Variants in IPCEF1 observed in about 807,000 individuals in gnomAD.
IPCEF1 encodes the protein interaction protein for cytohesin exchange factors 1, also known as interactor protein for cytohesin exchange factors 1.
A neutral mutation model predicts 50.9 loss-of-function variants in IPCEF1; 31 were observed. That is an observed-to-expected ratio of 0.61 (90% CI 0.46 to 0.82). IPCEF1 has a LOEUF of 0.82. IPCEF1 is among the 40% of genes least tolerant of loss of function. IPCEF1 has a pLI of 0.00. For missense variants in IPCEF1, 458 were observed against 514.0 expected, an observed-to-expected ratio of 0.89 and a Z score of 1.05; for synonymous variants, 181 against 192.0, an observed-to-expected ratio of 0.94 and a Z score of 0.47.
intron 1 of IPCEF1, among the ~76,000 whole-genome samples, chr6:154,328,440 A>G (rs1423373715): frequency 6.6e-6 from 1 of 152,054 alleles, no homozygotes; most frequent in Non-Finnish European, 1.5e-5. Context: ...TAGCAGCCCT[A>G]AGAAGTTCTT....
chr6:154,229,346 GTTTT>G (rs34462600), intron 5 of IPCEF1, among the ~76,000 whole-genome samples: 25 of 112,636 alleles, frequency 2.2e-4, no homozygotes, highest in African/African-American at 8.6e-4. Context: ...AAGTTTGCCG[GTTTT>G]TTTTTTTTTT....
intron 7 of IPCEF1, among the ~76,000 whole-genome samples, chr6:154,220,706 T>C (rs1046234658): frequency 1.3e-5 from 2 of 152,204 alleles, no homozygotes; most frequent in Non-Finnish European, 2.9e-5. Context: ...TTAGGAATGG[T>C]GTAGGGCAGG....
chr6:154,344,389 A>T (rs1022070788), intron 1 of IPCEF1, among the ~76,000 whole-genome samples: 4 of 152,194 alleles, frequency 2.6e-5, no homozygotes, highest in African/African-American at 9.7e-5. Context: ...GTAAATCATT[A>T]TCACCAAAGA....
chr6:154,248,342 G>GT (rs1781230025), intron 3 of IPCEF1, among the ~76,000 whole-genome samples: 1 of 121,978 alleles, frequency 8.2e-6, no homozygotes, highest in African/African-American at 3.0e-5. Context: ...TGTGTGTAGA[G>GT]AGAGAGAAAA....
chr6:154,240,051 G>A (rs547268853), intron 5 of IPCEF1, among the ~76,000 whole-genome samples: 1 of 152,258 alleles, frequency 6.6e-6, no homozygotes, highest in African/African-American at 2.4e-5. Context: ...TACGCTCAGA[G>A]GCTGGTTCTT....
chr6:154,318,394 T>A (rs527268626), intron 1 of IPCEF1, among the ~76,000 whole-genome samples: 1 of 152,262 alleles, frequency 6.6e-6, no homozygotes, highest in Admixed American at 6.5e-5. Context: ...TTCCAGGGAA[T>A]TAAAATTTAA....
chr6:154,223,933 A>G (rs1407180269), intron 5 of IPCEF1, among the ~76,000 whole-genome samples: 2 of 152,248 alleles, frequency 1.3e-5, no homozygotes. Context: ...AGGACGTAGC[A>G]TAAATGTCAC....
chr6:154,321,023 T>C (rs1218292847), intron 1 of IPCEF1, among the ~76,000 whole-genome samples: 1 of 152,076 alleles, frequency 6.6e-6, no homozygotes, highest in Non-Finnish European at 1.5e-5. Flanking sequence ...CTTGACCTCC[T>C]GGGCTCAAGC....
At chr6:154,231,571 G>C (rs1483760190) in intron 5 of IPCEF1, among the ~76,000 whole-genome samples, 1 of 152,236 alleles carries the variant, frequency 6.6e-6, no homozygotes, top group Admixed American at 6.5e-5. Flanking sequence ...AACGCGTAGA[G>C]CAATCTCTAG....
intron 10 of IPCEF1, among the ~76,000 whole-genome samples, chr6:154,186,851 C>T (rs1272327417): frequency 2.6e-5 from 4 of 152,084 alleles, no homozygotes; most frequent in South Asian, 4.2e-4. Context: ...CCACCACGCC[C>T]GGCCCAGAGC....
At chr6:154,308,405 G>C (rs1421701311) in intron 1 of IPCEF1, among the ~76,000 whole-genome samples, 3 of 152,134 alleles carry the variant, frequency 2.0e-5, no homozygotes, top group African/African-American at 7.2e-5. Flanking sequence ...GGGATTACAG[G>C]CTTGAGCCAC....
chr6:154,327,963 T>C (rs1191553678), intron 1 of IPCEF1, among the ~76,000 whole-genome samples: 1 of 152,006 alleles, frequency 6.6e-6, no homozygotes, highest in African/African-American at 2.4e-5. Flanking sequence ...AGCAAACTAA[T>C]GCAGAAAGAG....
rs571688071 is a variant in IPCEF1 at position 154,332,279 on chromosome 6, G to C, written c.-62+24393C>G. Among the ~76,000 whole-genome samples, 3 of 126,214 alleles carry C rather than the reference G, an allele frequency of 2.4e-5. No homozygotes were observed. In the Admixed American group the frequency reaches 2.9e-4, roughly 12 times the overall value. 82.8% of individuals were successfully genotyped at this position (126,214 alleles called of 152,430 possible). A position where few individuals can be genotyped will look rare whatever the true frequency, so the allele number is the denominator to read the frequency against. On this transcript the variant is annotated intron_variant, in intron 1 of 11. Coordinates refer to ENST00000367220, the MANE Select transcript of IPCEF1 (RefSeq NM_001130700.2). Reference sequence around the variant, plus strand: ...GACCTGTTGATAACTGTTTTTTTGTGTGTGAGTGGTTTTTTTTTTTTTTTT... The same window carrying C: ...GACCTGTTGATAACTGTTTTTTTGTCTGTGAGTGGTTTTTTTTTTTTTTTT...
intron 1 of IPCEF1, among the ~76,000 whole-genome samples, chr6:154,317,548 CAAAAAAAAAAAA>C (rs71021041): frequency 1.2e-4 from 2 of 16,314 alleles, no homozygotes; most frequent in African/African-American, 3.0e-4. Flanking sequence ...GACTCCATCT[CAAAAAAAAAAAA>C]AAAAAAAAAA....
intron 3 of IPCEF1, among the ~76,000 whole-genome samples, chr6:154,250,534 G>A (rs1781312198): frequency 2.0e-5 from 3 of 152,080 alleles, no homozygotes; most frequent in Admixed American, 2.0e-4. Flanking sequence ...TTAAAAGATG[G>A]TTCAAAAACT....
rs143271270 is a variant in IPCEF1, at chr6:154,234,799, G to A, written c.247-11556C>T. ...AATTAAGTTACTAGTGAACTTTCAGGTAGTCTGACATACAAAGATAGTAAT... is the reference window on the plus strand; with the variant it reads ...AATTAAGTTACTAGTGAACTTTCAGATAGTCTGACATACAAAGATAGTAAT... On this transcript the variant is annotated intron_variant, in intron 5 of 11. Coordinates refer to ENST00000367220, the MANE Select transcript of IPCEF1 (RefSeq NM_001130700.2). Among the ~76,000 whole-genome samples the A allele has an allele frequency of 4.1e-3, 629 of 152,294 alleles. 8 individuals are homozygous for A. The highest frequency in any genetic ancestry group is 0.02 in the Middle Eastern group (6 of 294).
intron 1 of IPCEF1, among the ~76,000 whole-genome samples, chr6:154,324,578 C>A (rs1257251015): frequency 6.6e-6 from 1 of 151,842 alleles, no homozygotes; most frequent in Admixed American, 6.6e-5. Context: ...GAGGCCAAGG[C>A]GGGCAGATCA....
chr6:154,200,569 A>C (rs1474574497), intron 9 of IPCEF1, among the ~76,000 whole-genome samples: 2 of 151,998 alleles, frequency 1.3e-5, no homozygotes, highest in Non-Finnish European at 2.9e-5. Flanking sequence ...AAAAATACAA[A>C]AATTAGCCTG....
intron 9 of IPCEF1, among the ~76,000 whole-genome samples, chr6:154,204,623 A>T (rs1777336409): frequency 6.6e-6 from 1 of 152,134 alleles, no homozygotes; most frequent in African/African-American, 2.4e-5. Context: ...CTGACCGAAG[A>T]TCTACTCATC....
Sources: gnomAD v4.1 joint callset for allele counts (sites outside exome capture counted in the v4.1 genomes callset) on GRCh38, gnomAD v4.1.1 for gene constraint, MANE v1.5 for transcripts, NCBI Gene and HGNC (gene_info 2026-07-23, HGNC 2026-07-21) for gene names.